KLF8: variants seen among roughly 807,000 people sequenced by gnomAD.
The protein encoded by KLF8 is KLF transcription factor 8.
Under a neutral mutation model 18.2 loss-of-function variants are expected in KLF8, and 10 were observed. That is an observed-to-expected ratio of 0.55 (90% confidence interval 0.34 to 0.93). The LOEUF (loss-of-function observed/expected upper bound fraction) is 0.93, where lower values mean the gene tolerates loss of function less well. Ranked by LOEUF, KLF8 falls within the 40% of genes least tolerant of loss-of-function variation. The pLI, the probability that KLF8 is intolerant of heterozygous loss-of-function variation, is 0.02. For synonymous variants in KLF8, 109 were observed against 97.3 expected (o/e 1.12, Z -0.71); for missense variants, 264 against 277.9 (o/e 0.95, Z 0.36).
chrX:55,980,812 C>A, the KLF8 span, among the ~76,000 whole-genome samples: 40 of 112,044 alleles, frequency 3.6e-4, no homozygotes, highest in Non-Finnish European at 7.0e-4. Context: ...AATAAGTGTG[C>A]GAACTGTTAT....
chrX:56,155,849 C>T, the KLF8 span, among the ~76,000 whole-genome samples: 1 of 111,129 alleles, frequency 9.0e-6, no homozygotes, highest in African/African-American at 3.3e-5. Context: ...CTATTGTTTC[C>T]ATATTTATTT....
the KLF8 span, among the ~76,000 whole-genome samples, chrX:56,041,655 G>T: frequency 0.1 from 9,671 of 93,762 alleles, 1,052 homozygotes; most frequent in African/African-American, 0.35. Context: ...GATAAATTGA[G>T]ATCTCTCTAG....
the KLF8 span, among the ~76,000 whole-genome samples, chrX:56,141,888 A>G: frequency 8.9e-6 from 1 of 112,133 alleles, no homozygotes; most frequent in East Asian, 2.8e-4. Flanking sequence ...TTATATGAAC[A>G]AAAATTCAAC....
At chrX:55,991,238 G>T in the KLF8 span, among the ~76,000 whole-genome samples, 1 of 111,949 alleles carries the variant, frequency 8.9e-6, no homozygotes, top group Non-Finnish European at 1.9e-5. Context: ...CTGCCACCTT[G>T]CAGTTTGATG....
the KLF8 span, among the ~76,000 whole-genome samples, chrX:56,114,546 G>A: frequency 8.9e-6 from 1 of 112,714 alleles, no homozygotes; most frequent in Admixed American, 9.3e-5. Flanking sequence ...CAAAACAGTA[G>A]ACATTGGGTG....
the KLF8 span, among the ~76,000 whole-genome samples, chrX:56,181,904 C>T: frequency 2.7e-5 from 3 of 109,602 alleles, no homozygotes; most frequent in Non-Finnish European, 5.7e-5. Flanking sequence ...TTTTTTCCTT[C>T]ATTTTAACTT....
chrX:56,040,497 C>T, the KLF8 span, among the ~76,000 whole-genome samples: 3 of 111,602 alleles, frequency 2.7e-5, no homozygotes, highest in South Asian at 7.4e-4. Flanking sequence ...TGGTTTTTGT[C>T]TTTAGTTCTG....
chrX:56,231,773 T>C (rs933394794), upstream of KLF8, among the ~76,000 whole-genome samples: 1 of 110,944 alleles, frequency 9.0e-6, no homozygotes, highest in Non-Finnish European at 1.9e-5. Flanking sequence ...TCTCAGGGGG[T>C]TGAGAACTCT....
At chrX:56,146,182 TA>T in the KLF8 span, among the ~76,000 whole-genome samples, 1 of 111,821 alleles carries the variant, frequency 8.9e-6, no homozygotes, top group African/African-American at 3.3e-5. Context: ...GAACTAGAAA[TA>T]CCATTTGACC....
chrX:56,098,779 G>A, the KLF8 span, among the ~76,000 whole-genome samples: 2 of 111,413 alleles, frequency 1.8e-5, no homozygotes, highest in Non-Finnish European at 3.8e-5. Context: ...CAAATTGGAA[G>A]AGAAGCATTA....
the KLF8 span, among the ~76,000 whole-genome samples, chrX:56,048,347 C>T: frequency 6.3e-5 from 7 of 111,899 alleles, no homozygotes; most frequent in Non-Finnish European, 1.1e-4. Flanking sequence ...TTGCCCATGT[C>T]TATGTCCTGA....
chrX:55,998,769 T>C, the KLF8 span, among the ~76,000 whole-genome samples: 4 of 110,401 alleles, frequency 3.6e-5, no homozygotes, highest in South Asian at 1.5e-3. Context: ...ATTTTGTGAG[T>C]ATTTTCTCTC....
the KLF8 span, among the ~76,000 whole-genome samples, chrX:56,210,418 C>T: frequency 1.8e-5 from 2 of 111,866 alleles, no homozygotes; most frequent in Non-Finnish European, 3.8e-5. Flanking sequence ...GGAATTGGAG[C>T]TCTATTATAT....
the KLF8 span, among the ~76,000 whole-genome samples, chrX:55,958,453 A>G: frequency 1.8e-5 from 2 of 111,964 alleles, no homozygotes; most frequent in African/African-American, 6.5e-5. Context: ...GGCTGTGAGA[A>G]TTTCTCCTTG....
chrX:56,054,388 G>A, the KLF8 span, among the ~76,000 whole-genome samples: 1 of 111,328 alleles, frequency 9.0e-6, no homozygotes, highest in Non-Finnish European at 1.9e-5. Flanking sequence ...TCATATAATT[G>A]TATGGTTTTG....
the KLF8 span, among the ~76,000 whole-genome samples, chrX:56,126,552 G>A: frequency 0.53 from 57,959 of 109,040 alleles, 13,661 homozygotes; most frequent in Non-Finnish European, 0.73. Flanking sequence ...AAGCCAAAGT[G>A]CTATACCTGA....
the KLF8 span, among the ~76,000 whole-genome samples, chrX:56,179,377 T>G: frequency 5.3e-5 from 6 of 112,568 alleles, no homozygotes; most frequent in Admixed American, 1.9e-4. Context: ...CTTATCAGCT[T>G]AAGGAGATTT....
chrX:56,157,448 C>T, the KLF8 span, among the ~76,000 whole-genome samples: 1 of 110,727 alleles, frequency 9.0e-6, no homozygotes, highest in East Asian at 2.8e-4. Context: ...AGTTCTAGAT[C>T]CCTGAGGAAT....
At chrX:56,085,004 G>T in the KLF8 span, among the ~76,000 whole-genome samples, 1 of 111,516 alleles carries the variant, frequency 9.0e-6, no homozygotes, top group East Asian at 2.8e-4. Context: ...GTTCCTGGGG[G>T]TACAAAGAAA....
Sources: gnomAD v4.1 joint callset for allele counts (sites outside exome capture counted in the v4.1 genomes callset) on GRCh38, gnomAD v4.1.1 for gene constraint, MANE v1.5 for transcripts, NCBI Gene and HGNC (gene_info 2026-07-23, HGNC 2026-07-21) for gene names.